IDO2: variants seen among roughly 807,000 people sequenced by gnomAD.
The protein encoded by IDO2 is indoleamine 2,3-dioxygenase-like 1 protein.
A neutral mutation model predicts 45.1 loss-of-function variants in IDO2; 46 were observed. The ratio of observed to expected loss-of-function variants is 1.02; its 90% CI spans 0.80 to 1.30. The LOEUF is 1.30. IDO2 is among the 50% of genes most tolerant of loss of function. The probability of loss-of-function intolerance (pLI) is 0.00; values close to 1 mark genes in which losing one functional copy is unlikely to be tolerated. For synonymous variants in IDO2, 218 were observed against 184.9 expected, an observed-to-expected ratio of 1.18 and a Z score of -1.45; for missense variants, 544 against 491.8, an observed-to-expected ratio of 1.11 and a Z score of -1.00.
intron 6 of IDO2, chr8:39,987,482 G>A (rs1808442837): frequency 6.0e-6 from 1 of 166,508 alleles, no homozygotes; most frequent in East Asian, 1.6e-4. Flanking sequence ...TTGCTTCTCT[G>A]GGCCATGGTT....
rs71220803 is a variant in IDO2, at chr8:39,951,275, A to ATTTTTTTTTT, written c.99+2018_99+2027dup. ...AATGACTGCAACATCGGACCCCAAG[A>ATTTTTTTTTT]TTTTTTTTTTTTTTTTCTGAGATAG... On this transcript the variant is annotated intron_variant, in intron 2 of 10. Transcript: ENST00000502986. Among the ~76,000 whole-genome samples the ATTTTTTTTTT allele has an allele frequency of 1.7e-4, 23 of 136,024 alleles. 1 individual carries two copies. The highest frequency in any genetic ancestry group is 6.1e-4 in the African/African-American group (22 of 35,992). 89.2% of individuals were successfully genotyped at this position (136,024 alleles called of 152,430 possible). A position where few individuals can be genotyped will look rare whatever the true frequency, so the allele number is the denominator to read the frequency against.
In IDO2 at chr8:39,979,660, C is replaced by G. The variant is rs1808312746; in HGVS notation, c.315+474C>G. Among the ~76,000 whole-genome samples, 3 of 152,142 alleles carry G rather than the reference C, an allele frequency of 2.0e-5. No homozygotes were observed. The South Asian group carries it at 6.2e-4, about 32-fold the overall frequency. ...GAGCCACTGCGTTCAGCCTGAAGGG[C>G]CATTTAAATGAAGGATTTTTTTATT... On this transcript the variant is annotated intron_variant, in intron 4 of 10. Coordinates refer to ENST00000502986, the Ensembl canonical transcript of IDO2.
intron 3 of IDO2, among the ~76,000 whole-genome samples, chr8:39,972,242 T>TA (rs559907654): frequency 9.2e-4 from 140 of 151,704 alleles, no homozygotes; most frequent in African/African-American, 3.2e-3. Flanking sequence ...GTTGAAATGA[T>TA]AAAAAAAAAT....
exon 11 of IDO2, chr8:40,015,484 A>G: frequency 1.2e-6 from 2 of 1,613,958 alleles, no homozygotes; most frequent in Non-Finnish European, 1.7e-6. Flanking sequence ...AAGCCAAACC[A>G]TCTCCCAGGG....
intron 3 of IDO2, among the ~76,000 whole-genome samples, chr8:39,974,402 G>C (rs1044036393): frequency 6.6e-6 from 1 of 152,136 alleles, no homozygotes; most frequent in Non-Finnish European, 1.5e-5. Flanking sequence ...CATTCAAGAT[G>C]GATACAAACT....
Position 39,993,780 on chromosome 8 carries a change from C to T in IDO2, c.667+3942C>T, listed in dbSNP as rs981654068. Among the ~76,000 whole-genome samples, 22 of 152,182 alleles carry T rather than the reference C, an allele frequency of 1.4e-4. No homozygotes were observed. The East Asian group carries it at 3.3e-3, about 23-fold the overall frequency. ...ATCCCAGCACACTGAGAGGAAGAGGCGGGTGGATCACATGAGGTCAGTCCG... is the reference window on the plus strand; with the variant it reads ...ATCCCAGCACACTGAGAGGAAGAGGTGGGTGGATCACATGAGGTCAGTCCG... On this transcript the variant is annotated intron_variant, in intron 8 of 10. Coordinates refer to ENST00000502986, the Ensembl canonical transcript of IDO2.
At chr8:40,009,005 ATATT>A (rs56020913) in intron 9 of IDO2, among the ~76,000 whole-genome samples, 11 of 149,724 alleles carry the variant, frequency 7.3e-5, no homozygotes, top group African/African-American at 1.7e-4. Context: ...TTTATTATTT[ATATT>A]TATTTATTTA....
intron 6 of IDO2, chr8:39,985,819 A>G (rs1053597533): frequency 7.2e-5 from 22 of 307,392 alleles, no homozygotes; most frequent in Non-Finnish European, 1.1e-4. Context: ...ATCAAATTTC[A>G]GTAACTCCTT....
intron 8 of IDO2, among the ~76,000 whole-genome samples, chr8:39,996,081 A>C (rs1442268961): frequency 6.6e-6 from 1 of 151,276 alleles, no homozygotes; most frequent in African/African-American, 2.4e-5. Flanking sequence ...AGTAAAAAAA[A>C]AAAAAAAGAA....
intron 4 of IDO2, among the ~76,000 whole-genome samples, chr8:39,981,117 A>G (rs1808343595): frequency 6.8e-6 from 1 of 147,962 alleles, no homozygotes; most frequent in South Asian, 2.1e-4. Context: ...GCTGGAGTGC[A>G]GTGGCACGAT....
intron 3 of IDO2, among the ~76,000 whole-genome samples, chr8:39,977,681 T>C (rs1808282670): frequency 6.6e-6 from 1 of 152,170 alleles, no homozygotes; most frequent in African/African-American, 2.4e-5. Flanking sequence ...ATCCTGTTTC[T>C]AAAACAAAAC....
intron 1 of IDO2, among the ~76,000 whole-genome samples, chr8:39,937,912 T>C (rs1266867294): frequency 6.6e-6 from 1 of 152,214 alleles, no homozygotes; most frequent in Admixed American, 6.5e-5. Flanking sequence ...ATAATCAACA[T>C]AACATTGCTT....
intron 3 of IDO2, 108 bp from the exon 4 acceptor site, chr8:39,978,959 T>C: frequency 9.8e-7 from 1 of 1,022,044 alleles, no homozygotes; most frequent in Non-Finnish European, 1.5e-6. Flanking sequence ...ATATAACCCA[T>C]TGCCTTCCAC....
At position 39,934,872 on chromosome 8, in the gene IDO2, T is replaced by G; in HGVS notation, c.-364T>G. 4.4e-6 allele frequency: 2 copies of G among 457,882 alleles called. No homozygotes were observed. The highest frequency in any genetic ancestry group is 2.4e-5 in the South Asian group (1 of 41,342). The allele number at this position is 457,882 out of a possible 1,614,324, so 28.4% of individuals were successfully genotyped here. ...TTGCCACAGAAAGAAGATGGAGAAT[T>G]TTAAAGTTGGAAATCTGCCTGGTAA... is the stretch of plus-strand genomic sequence containing the variant. On this transcript the variant is annotated 5_prime_UTR_variant, in exon 1 of 11. It adds an upstream start codon to the 5' untranslated region. Coordinates refer to ENST00000502986, the Ensembl canonical transcript of IDO2.
chr8:40,003,740 T>A (rs1297284660), intron 8 of IDO2, among the ~76,000 whole-genome samples: 1 of 152,204 alleles, frequency 6.6e-6, no homozygotes, highest in Non-Finnish European at 1.5e-5. Context: ...ATAATTTTTT[T>A]CTTATTCTCC....
chr8:39,995,838 G>T (rs1802034836), intron 8 of IDO2, among the ~76,000 whole-genome samples: 2 of 152,234 alleles, frequency 1.3e-5, no homozygotes, highest in Admixed American at 6.5e-5. Flanking sequence ...CTTCTGTTAT[G>T]CCCGGACAGG....
At chr8:39,986,903 C>T (rs968624631) in intron 6 of IDO2, 3 of 116,690 alleles carry the variant, frequency 2.6e-5, no homozygotes, top group Non-Finnish European at 5.5e-5. Context: ...GCAACAGAGT[C>T]TCACTCTATC....
intron 8 of IDO2, among the ~76,000 whole-genome samples, chr8:39,992,894 C>T (rs917018650): frequency 6.6e-6 from 1 of 152,092 alleles, no homozygotes; most frequent in Admixed American, 6.6e-5. Flanking sequence ...ACTGCAGTGG[C>T]GTTTTGGAGA....
intron 1 of IDO2, among the ~76,000 whole-genome samples, chr8:39,940,111 A>G (rs1807621346): frequency 6.6e-6 from 1 of 152,170 alleles, no homozygotes; most frequent in Non-Finnish European, 1.5e-5. Flanking sequence ...AATTGTCTCT[A>G]GCCAACTTCC....
Sources: allele counts gnomAD v4.1 joint callset (sites outside exome capture counted in the v4.1 genomes callset), GRCh38; gene constraint gnomAD v4.1.1; transcripts MANE v1.5; gene names NCBI Gene and HGNC (gene_info 2026-07-23, HGNC 2026-07-21).